Variants in ABLIM1 observed in about 807,000 individuals in gnomAD.
ABLIM1 encodes actin-binding LIM protein 1.
A neutral mutation model predicts 107.0 loss-of-function variants in ABLIM1; 40 were observed. That is an observed-to-expected ratio of 0.37 (90% CI 0.29 to 0.49). The LOEUF (loss-of-function observed/expected upper bound fraction) is 0.49, where lower values mean the gene tolerates loss of function less well. Ranked by LOEUF, ABLIM1 falls within the 20% of genes least tolerant of loss-of-function variation. The pLI, the probability that ABLIM1 is intolerant of heterozygous loss-of-function variation, is 0.97. For missense variants in ABLIM1, 857 were observed against 1,008.5 expected, an observed-to-expected ratio of 0.85 and a Z score of 2.04; for synonymous variants, 357 against 357.3, an observed-to-expected ratio of 1.00 and a Z score of 0.01.
chr10:114,508,699 CAA>C lies in ABLIM1; in HGVS notation c.895-16823_895-16822del, dbSNP rs1385383123. Among the ~76,000 whole-genome samples the C allele has an allele frequency of 2.0e-5, 3 of 152,126 alleles. No individual in the cohort carries two copies. In the East Asian group the frequency reaches 5.8e-4, roughly 29 times the overall value. ...GTGAGACCTTGACTTTACGTTCCCA[CAA>C]AAATATTTTTAAAAATAAGAAAGAG... On this transcript the variant is annotated intron_variant, in intron 6 of 22. Transcript: ENST00000533213.
chr10:114,439,682 C>G (rs1307612814), intron 20 of ABLIM1: 1 of 356,948 alleles, frequency 2.8e-6, no homozygotes, highest in Non-Finnish European at 5.1e-6. Flanking sequence ...GCAAACTGCT[C>G]TCTCCTATTG....
chr10:114,711,698 G>C (rs956556201), intron 1 of ABLIM1, among the ~76,000 whole-genome samples: 19 of 152,188 alleles, frequency 1.2e-4, no homozygotes, highest in African/African-American at 4.3e-4. Context: ...AGAGGCAAGG[G>C]GTGGAGTCGA....
chr10:114,510,155 A>G (rs1468475688), intron 6 of ABLIM1, among the ~76,000 whole-genome samples: 1 of 152,186 alleles, frequency 6.6e-6, no homozygotes, highest in Non-Finnish European at 1.5e-5. Context: ...ATCACTGCCT[A>G]TACCTTCCCA....
At chr10:114,541,702 C>A (rs538135941) in intron 6 of ABLIM1, among the ~76,000 whole-genome samples, 17 of 152,358 alleles carry the variant, frequency 1.1e-4, no homozygotes, top group African/African-American at 4.1e-4. Context: ...AAGTCTTAGG[C>A]CTCACAAAAC....
chr10:114,631,972 G>A, intron 1 of ABLIM1: 2 of 1,302,428 alleles, frequency 1.5e-6, no homozygotes, highest in Non-Finnish European at 2.0e-6. Context: ...AATAAACTCT[G>A]GGAGTGGAAG....
At chr10:114,783,275 AAAAT>A in the ABLIM1 span, among the ~76,000 whole-genome samples, 1 of 151,502 alleles carries the variant, frequency 6.6e-6, no homozygotes, top group African/African-American at 2.4e-5. Context: ...CTCCGTCTCA[AAAAT>A]AAATAAATAA....
At chr10:114,603,373 C>G (rs1355663368) in intron 1 of ABLIM1, among the ~76,000 whole-genome samples, 2 of 152,154 alleles carry the variant, frequency 1.3e-5, no homozygotes, top group Non-Finnish European at 2.9e-5. Flanking sequence ...GAGATTCTGA[C>G]TAGGAGCAGG....
At position 114,750,634 on chromosome 10, in the gene ABLIM1, A is replaced by T. The variant is rs185850387; in HGVS notation, c.-213+17427T>A. Among the ~76,000 whole-genome samples, 183 of 152,330 alleles carry T rather than the reference A, an allele frequency of 1.2e-3. 3 individuals carry two copies. Among genetic ancestry groups the T allele is most frequent in the African/African-American group, 4.1e-3 (171 of 41,580 alleles). ...CCCTATAAAACATCTTTCTCCCAGCATTTTAACAAATGAAATATGTGTCCA... is the reference window on the plus strand; with the variant it reads ...CCCTATAAAACATCTTTCTCCCAGCTTTTTAACAAATGAAATATGTGTCCA... On this transcript the variant is annotated intron_variant, in intron 1 of 15. Coordinates refer to the ABLIM1 transcript ENST00000651092.
intron 1 of ABLIM1, among the ~76,000 whole-genome samples, chr10:114,667,572 C>A (rs1347294098): frequency 6.6e-6 from 1 of 152,116 alleles, no homozygotes; most frequent in African/African-American, 2.4e-5. Context: ...CTTAAGTATA[C>A]AATTTGATGA....
At chr10:114,756,966 C>A (rs1451778671) in intron 1 of ABLIM1, among the ~76,000 whole-genome samples, 1 of 152,174 alleles carries the variant, frequency 6.6e-6, no homozygotes, top group East Asian at 1.9e-4. Context: ...GAGCTAGGAT[C>A]CCCTGAGCCT....
At chr10:114,542,984 A>C (rs1160556752) in intron 6 of ABLIM1, among the ~76,000 whole-genome samples, 3 of 152,128 alleles carry the variant, frequency 2.0e-5, no homozygotes, top group Non-Finnish European at 2.9e-5. Flanking sequence ...CTTTATTGGA[A>C]AGGCTATGAG....
chr10:114,795,475 AG>A, the ABLIM1 span, among the ~76,000 whole-genome samples: 3 of 152,248 alleles, frequency 2.0e-5, no homozygotes, highest in East Asian at 5.8e-4. Flanking sequence ...GGGAGGCCGA[AG>A]TGGGCGGATC....
In ABLIM1 at chr10:114,511,214, A is replaced by G. The variant is rs117763465; in HGVS notation, c.895-19336T>C. Among the ~76,000 whole-genome samples the G allele has an allele frequency of 1.1e-3, 163 of 152,196 alleles. 1 individual carries two copies. The East Asian group carries it at 0.023, about 22-fold the overall frequency. On this transcript the variant is annotated intron_variant, in intron 6 of 22. Transcript: ENST00000533213. Reference sequence around the variant, plus strand: ...TTATACCTCAAACTAGTATACAAAAAATGTAAGTTTATCACTGAGGAAAAT... The same window carrying G: ...TTATACCTCAAACTAGTATACAAAAGATGTAAGTTTATCACTGAGGAAAAT...
intron 6 of ABLIM1, among the ~76,000 whole-genome samples, chr10:114,544,359 C>T (rs1010901756): frequency 2.0e-5 from 3 of 152,166 alleles, no homozygotes; most frequent in South Asian, 4.1e-4. Context: ...AACTCTGGCC[C>T]CAGAATTCTG....
At chr10:114,496,886 T>C (rs950569427) in intron 6 of ABLIM1, among the ~76,000 whole-genome samples, 3 of 151,974 alleles carry the variant, frequency 2.0e-5, no homozygotes, top group African/African-American at 4.8e-5. Flanking sequence ...GAGGCCCTCC[T>C]TCGCATGTGT....
In ABLIM1 at chr10:114,547,724, C is replaced by T. The variant is rs1375849496; in HGVS notation, c.726G>A (p.Leu242=). ...AGCACCCCAAGTGCCACTGCTTATC[C>T]AGCGCCAGCAGCGCCTGCCCATTCT... The part of the protein sequence containing the change: ...DIKNGQALLA[L]DKQWHLGCFK... Residue 242 remains leucine, a synonymous_variant, in exon 5 of 23, where the codon CTG becomes CTA. Transcript: ENST00000533213. The T allele has an allele frequency of 9.9e-6, 16 of 1,613,058 alleles. No homozygotes were observed. Among genetic ancestry groups the T allele is most frequent in the Non-Finnish European group, 1.4e-5 (16 of 1,180,028 alleles).
chr10:114,635,723 C>T (rs2078446906), intron 1 of ABLIM1, among the ~76,000 whole-genome samples: 1 of 152,164 alleles, frequency 6.6e-6, no homozygotes, highest in Non-Finnish European at 1.5e-5. Context: ...GGTTTCACCA[C>T]GTTGGCCAGG....
chr10:114,677,311 A>G (rs1000390841), intron 1 of ABLIM1, among the ~76,000 whole-genome samples: 2 of 152,338 alleles, frequency 1.3e-5, no homozygotes, highest in South Asian at 2.1e-4. Flanking sequence ...TTCTGTGTGT[A>G]TTATGACATT....
chr10:114,703,363 C>T (rs959305898), intron 1 of ABLIM1, among the ~76,000 whole-genome samples: 3 of 152,326 alleles, frequency 2.0e-5, no homozygotes, highest in East Asian at 3.9e-4. Flanking sequence ...GCTTATCTAA[C>T]CTTGACTATG....
Sources: allele counts gnomAD v4.1 joint callset (sites outside exome capture counted in the v4.1 genomes callset), GRCh38; gene constraint gnomAD v4.1.1; transcripts MANE v1.5; gene names NCBI Gene and HGNC (gene_info 2026-07-23, HGNC 2026-07-21).